Variants in SLC10A7 observed in about 807,000 individuals in gnomAD.
SLC10A7 encodes sodium/bile acid cotransporter 7.
A neutral mutation model predicts 43.2 loss-of-function variants in SLC10A7; 29 were observed. That is an observed-to-expected ratio of 0.67 (90% CI 0.50 to 0.92). The LOEUF (loss-of-function observed/expected upper bound fraction) is 0.92. Among genes scored for constraint, SLC10A7 ranks in the 40% least tolerant of loss-of-function variants. The pLI, the probability that SLC10A7 is intolerant of heterozygous loss-of-function variation, is 0.00. For synonymous variants in SLC10A7, 152 were observed against 144.8 expected (o/e 1.05, Z -0.35); for missense variants, 295 against 403.2 (o/e 0.73, Z 2.30).
intron 5 of SLC10A7, among the ~76,000 whole-genome samples, chr4:146,344,413 C>A (rs558956730): frequency 6.6e-6 from 1 of 152,016 alleles, no homozygotes; most frequent in African/African-American, 2.4e-5. Flanking sequence ...GTTAGAGCCA[C>A]GCTGCCTGAA....
rs1212727692 is a variant in SLC10A7, at chr4:146,317,365, CAG to C, written c.471+8594_471+8595del. ...ATTGGGATTATGACGGTGACTAAAA[CAG>C]ATAAAGTCCCTGCTCTCTTGTGATG... On this transcript the variant is annotated intron_variant, in intron 6 of 11. Coordinates refer to ENST00000335472, the MANE Select transcript of SLC10A7 (RefSeq NM_001029998.6). Among the ~76,000 whole-genome samples the C allele has an allele frequency of 2.0e-5, 3 of 152,112 alleles. No individual in the cohort carries two copies. In the South Asian group the frequency reaches 6.2e-4, roughly 32 times the overall value.
At position 146,258,814 on chromosome 4, in the gene SLC10A7, AC is replaced by A; in HGVS notation, c.870del (p.Phe291LeufsTer9). The A allele has an allele frequency of 6.2e-7, 1 of 1,608,926 alleles. No individual in the cohort carries two copies. The highest frequency in any genetic ancestry group is 8.5e-7 in the Non-Finnish European group (1 of 1,178,902). ...AAAGAGAGATGCTCATGGCCTGCAA[AC>A]ACGATCTTCAGCATCGGAATTCCTG... ...LTLGIPMLKI[V>X]FAGHEHLSLI... On this transcript the variant is annotated frameshift_variant, in exon 11 of 12. Transcript: ENST00000335472. LOFTEE classifies it high-confidence loss of function.
intron 5 of SLC10A7, among the ~76,000 whole-genome samples, chr4:146,347,053 G>A (rs1734673124): frequency 6.6e-6 from 1 of 152,022 alleles, no homozygotes; most frequent in South Asian, 2.1e-4. Flanking sequence ...CTGAGCGAGG[G>A]GTTTCAAAAG....
At chr4:146,371,709 C>T (rs1038009633) in intron 5 of SLC10A7, among the ~76,000 whole-genome samples, 2 of 152,096 alleles carry the variant, frequency 1.3e-5, no homozygotes, top group African/African-American at 4.8e-5. Context: ...TGTGTTTTGT[C>T]CACATAATAG....
At chr4:146,258,402 T>A (rs1028403494) in intron 11 of SLC10A7, among the ~76,000 whole-genome samples, 2 of 152,180 alleles carry the variant, frequency 1.3e-5, no homozygotes, top group African/African-American at 4.8e-5. Flanking sequence ...GTATATTTAC[T>A]GAACCTTTAC....
At chr4:146,416,025 C>T (rs1419715081) in intron 5 of SLC10A7, among the ~76,000 whole-genome samples, 2 of 152,162 alleles carry the variant, frequency 1.3e-5, no homozygotes, top group Non-Finnish European at 2.9e-5. Flanking sequence ...AAATTGGCTG[C>T]TCTCCCAGAC....
chr4:146,324,365 A>G (rs1336258008), intron 6 of SLC10A7, among the ~76,000 whole-genome samples: 1 of 151,996 alleles, frequency 6.6e-6, no homozygotes, highest in African/African-American at 2.4e-5. Flanking sequence ...TGCATTGCCA[A>G]CTCTTTGGTT....
chr4:146,477,753 A>G (rs1734147314), intron 4 of SLC10A7: 1 of 152,202 alleles, frequency 6.6e-6, no homozygotes, highest in Non-Finnish European at 1.5e-5. Context: ...CCACTCTAAA[A>G]CAGATAAAAG....
rs149212362 is a variant in SLC10A7, at chr4:146,434,854, G to A, written c.435+7929C>T. On this transcript the variant is annotated intron_variant, in intron 5 of 11. Transcript: ENST00000335472. ...TGAGATTATAGGGATGAGCCACCAC[G>A]CCCACCTACTTGAAGTTTTATAGTA... Among the ~76,000 whole-genome samples, 124 of 152,178 alleles carry A rather than the reference G, an allele frequency of 8.1e-4. 1 individual carries two copies. The East Asian group carries it at 0.016, about 19-fold the overall frequency.
At chr4:146,514,932 A>G in intron 2 of SLC10A7, 2 of 551,528 alleles carry the variant, frequency 3.6e-6, no homozygotes, top group East Asian at 5.8e-5. Flanking sequence ...AGGGCTTTTG[A>G]TGGAAGAAAT....
chr4:146,410,418 G>A (rs1728104289), intron 5 of SLC10A7, among the ~76,000 whole-genome samples: 1 of 152,076 alleles, frequency 6.6e-6, no homozygotes, highest in Non-Finnish European at 1.5e-5. Context: ...TATAGCACAG[G>A]CAGGATTTTA....
chr4:146,358,826 TA>T (rs1002198175), intron 5 of SLC10A7, among the ~76,000 whole-genome samples: 4 of 152,172 alleles, frequency 2.6e-5, no homozygotes, highest in African/African-American at 9.7e-5. Context: ...AAAAAGTTGC[TA>T]AAAACATTCC....
intron 6 of SLC10A7, among the ~76,000 whole-genome samples, chr4:146,325,207 A>G (rs1056212044): frequency 6.6e-6 from 1 of 152,192 alleles, no homozygotes; most frequent in Non-Finnish European, 1.5e-5. Flanking sequence ...AGTGATTTAT[A>G]TTTGGAAGAT....
chr4:146,467,341 A>G (rs1309983594), intron 4 of SLC10A7, among the ~76,000 whole-genome samples: 1 of 151,902 alleles, frequency 6.6e-6, no homozygotes, highest in East Asian at 1.9e-4. Flanking sequence ...TTTTGCTGCT[A>G]TGCTTTACTA....
chr4:146,414,149 T>C (rs543522180), intron 5 of SLC10A7, among the ~76,000 whole-genome samples: 11 of 152,232 alleles, frequency 7.2e-5, no homozygotes, highest in Non-Finnish European at 1.5e-4. Context: ...GGTATAGCCT[T>C]GGGGAAGCTG....
At chr4:146,443,498 G>C (rs993247359) in intron 4 of SLC10A7, among the ~76,000 whole-genome samples, 1 of 152,118 alleles carries the variant, frequency 6.6e-6, no homozygotes, top group African/African-American at 2.4e-5. Context: ...TATATTCAAT[G>C]AAGCTATACC....
At chr4:146,276,264 G>GTA (rs1729200572) in intron 10 of SLC10A7, among the ~76,000 whole-genome samples, 1 of 152,142 alleles carries the variant, frequency 6.6e-6, no homozygotes, top group African/African-American at 2.4e-5. Flanking sequence ...AGTATTTGTT[G>GTA]TAGCTGCCTC....
Position 146,406,027 on chromosome 4 carries a change from G to T in SLC10A7, c.435+36756C>A, listed in dbSNP as rs1457242476. ...ATTTGCATAGCAAAGAGAGATTACT[G>T]TTTAAATAGATTATATCAGATCATA... On this transcript the variant is annotated intron_variant, in intron 5 of 11. Coordinates refer to ENST00000335472, the MANE Select transcript of SLC10A7 (RefSeq NM_001029998.6). Among the ~76,000 whole-genome samples the T allele has an allele frequency of 3.3e-5, 5 of 152,260 alleles. No homozygotes were observed. The East Asian group carries it at 9.7e-4, about 29-fold the overall frequency.
chr4:146,268,817 G>GCCTGAAATA (rs1728720685), intron 10 of SLC10A7, among the ~76,000 whole-genome samples: 1 of 152,134 alleles, frequency 6.6e-6, no homozygotes, highest in African/African-American at 2.4e-5. Context: ...CATGCTATGT[G>GCCTGAAATA]CCTGAAATAC....
Sources: allele counts gnomAD v4.1 joint callset (sites outside exome capture counted in the v4.1 genomes callset), GRCh38; gene constraint gnomAD v4.1.1; transcripts MANE v1.5; gene names NCBI Gene and HGNC (gene_info 2026-07-23, HGNC 2026-07-21).